The following PLCE1 variants were observed in gnomAD, a reference collection of about 807,000 sequenced individuals.
PLCE1 encodes the protein 1-phosphatidylinositol 4,5-bisphosphate phosphodiesterase epsilon-1.
Under a neutral mutation model 242.8 loss-of-function variants are expected in PLCE1, and 119 were observed. The ratio of observed to expected loss-of-function variants is 0.49; its 90% confidence interval spans 0.42 to 0.57. The LOEUF (loss-of-function observed/expected upper bound fraction) is 0.57. Among genes scored for constraint, PLCE1 ranks in the 20% least tolerant of loss-of-function variants. The pLI is 0.00. For missense variants in PLCE1, 2,441 were observed against 2,788.8 expected (o/e 0.88, Z 2.81); for synonymous variants, 945 against 1,017.4 (o/e 0.93, Z 1.35).
chr10:94,265,353 A>G (rs1328126399), intron 14 of PLCE1, among the ~76,000 whole-genome samples: 1 of 152,056 alleles, frequency 6.6e-6, no homozygotes, highest in Non-Finnish European at 1.5e-5. Context: ...TATTATCCCC[A>G]TTTTCACCTG....
chr10:94,246,187 A>G lies in PLCE1; in HGVS notation c.2662A>G (p.Asn888Asp), dbSNP rs1263314743. ...CTGCTTCCTCCAGCTTCAGCCCGACAATAGCACCTTGACCTGGGTAAAGCC... is the reference window on the plus strand; with the variant it reads ...CTGCTTCCTCCAGCTTCAGCCCGACGATAGCACCTTGACCTGGGTAAAGCC... ...ARCFLQLQPDNSTLTWVKPTT... is the reference protein window; with the variant it reads ...ARCFLQLQPDDSTLTWVKPTT... The change falls in exon 8 of 33, where the codon AAT becomes GAT. Residue 888 changes from asparagine (N) to aspartate (D), a missense_variant. Physicochemically the swap from Asn to Asp is conservative, Grantham distance 23 (BLOSUM62 1). Coordinates refer to ENST00000371380, the MANE Select transcript of PLCE1 (RefSeq NM_016341.4). The G allele has an allele frequency of 2.5e-6, 4 of 1,613,986 alleles. No homozygotes were observed. Among genetic ancestry groups the G allele is most frequent in the Non-Finnish European group, 3.4e-6 (4 of 1,179,996 alleles).
At position 94,331,238 on chromosome 10, in the gene PLCE1, C is replaced by G. The variant is rs1323034940; in HGVS notation, c.*3295C>G. ...TCTTTTATGGGAGGCTTTTATGCCT[C>G]CCATCTCAATACCTCTGGAGACACT... is the stretch of plus-strand genomic sequence containing the variant. On this transcript the variant is annotated 3_prime_UTR_variant, in exon 33 of 33. Coordinates refer to ENST00000371380, the MANE Select transcript of PLCE1 (RefSeq NM_016341.4). 2.0e-5 allele frequency: 3 copies of G among 152,140 alleles called. No homozygotes were observed. The highest frequency in any genetic ancestry group is 4.4e-5 in the Non-Finnish European group (3 of 68,018). 9.4% of individuals were successfully genotyped at this position (152,140 alleles called of 1,614,324 possible).
At chr10:94,148,132 C>T (rs1204964400) in intron 3 of PLCE1, among the ~76,000 whole-genome samples, 1 of 152,152 alleles carries the variant, frequency 6.6e-6, no homozygotes. Flanking sequence ...TAGGACAATG[C>T]AGACACTTGC....
At chr10:94,071,792 C>T (rs1298511664) in intron 2 of PLCE1, among the ~76,000 whole-genome samples, 1 of 152,108 alleles carries the variant, frequency 6.6e-6, no homozygotes, top group Non-Finnish European at 1.5e-5. Context: ...AACCACTGTG[C>T]CTAGCCTTCC....
intron 2 of PLCE1, among the ~76,000 whole-genome samples, chr10:94,094,290 T>C (rs187179508): frequency 2.0e-3 from 303 of 150,748 alleles, no homozygotes; most frequent in African/African-American, 7.3e-3. Context: ...GTACGAGGTA[T>C]ACAAATATGA....
chr10:94,259,726 A>ATGG (rs1340703992), intron 13 of PLCE1, among the ~76,000 whole-genome samples: 19 of 152,294 alleles, frequency 1.2e-4, no homozygotes, highest in African/African-American at 4.6e-4. Context: ...TCTGACAACC[A>ATGG]AAAACCCTTT....
At chr10:94,029,652 A>C (rs781392781) in intron 1 of PLCE1, among the ~76,000 whole-genome samples, 11 of 152,062 alleles carry the variant, frequency 7.2e-5, no homozygotes, top group Non-Finnish European at 1.3e-4. Context: ...ATATACTGGG[A>C]GCCTCTCACC....
At chr10:94,063,575 C>G (rs567697637) in intron 2 of PLCE1, among the ~76,000 whole-genome samples, 50 of 152,286 alleles carry the variant, frequency 3.3e-4, no homozygotes, top group Admixed American at 1.2e-3. Context: ...ATTTTCTTGT[C>G]CTTATTTATT....
At chr10:94,185,558 G>A (rs985214491) in intron 4 of PLCE1, among the ~76,000 whole-genome samples, 2 of 152,170 alleles carry the variant, frequency 1.3e-5, no homozygotes, top group East Asian at 3.9e-4. Flanking sequence ...GGGACCCTGG[G>A]CAAGTGAGTG....
chr10:94,021,650 T>G (rs985950041), intron 1 of PLCE1, among the ~76,000 whole-genome samples: 2 of 152,190 alleles, frequency 1.3e-5, no homozygotes, highest in Non-Finnish European at 2.9e-5. Flanking sequence ...TTATTGGAGC[T>G]TTGTAGTATC....
chr10:94,258,341 C>T (rs1445086452), intron 11 of PLCE1, among the ~76,000 whole-genome samples: 1 of 152,174 alleles, frequency 6.6e-6, no homozygotes, highest in Non-Finnish European at 1.5e-5. Context: ...CATCTAAGGA[C>T]TGGTTAAGAA....
chr10:94,305,236 C>T (rs1167671896), intron 25 of PLCE1, among the ~76,000 whole-genome samples: 1 of 152,074 alleles, frequency 6.6e-6, no homozygotes, highest in Non-Finnish European at 1.5e-5. Flanking sequence ...TCGAGACCAG[C>T]CTGGGCAACA....
At chr10:94,096,573 A>G (rs2045320094) in intron 2 of PLCE1, 2 of 152,300 alleles carry the variant, frequency 1.3e-5, no homozygotes, top group African/African-American at 2.4e-5. Context: ...CCGTGATTCA[A>G]TTACCTCCCA....
intron 23 of PLCE1, among the ~76,000 whole-genome samples, chr10:94,295,156 T>A (rs1236298135): frequency 2.0e-5 from 3 of 151,980 alleles, no homozygotes; most frequent in Non-Finnish European, 4.4e-5. Flanking sequence ...CACCTCATGA[T>A]CTGCCTACCT....
At chr10:94,278,485 GTTAA>G (rs1589461552) in intron 19 of PLCE1, among the ~76,000 whole-genome samples, 1 of 152,156 alleles carries the variant, frequency 6.6e-6, no homozygotes, top group African/African-American at 2.4e-5. Flanking sequence ...TTTCAAAAAT[GTTAA>G]TTAACTTACT....
At chr10:94,173,886 A>T (rs1175005721) in intron 4 of PLCE1, among the ~76,000 whole-genome samples, 2 of 152,220 alleles carry the variant, frequency 1.3e-5, no homozygotes, top group Admixed American at 1.3e-4. Context: ...ACATAGTCAG[A>T]TCCCAAATGA....
chr10:94,247,138 A>G (rs2050714329), intron 8 of PLCE1, among the ~76,000 whole-genome samples: 2 of 142,730 alleles, frequency 1.4e-5, no homozygotes, highest in African/African-American at 5.2e-5. Context: ...AAAAAAGTTA[A>G]TATGTGTAAA....
chr10:94,205,437 G>A (rs1251625195), intron 4 of PLCE1, among the ~76,000 whole-genome samples: 1 of 152,232 alleles, frequency 6.6e-6, no homozygotes, highest in Non-Finnish European at 1.5e-5. Context: ...TGGAAATAAA[G>A]TACAGTTGCA....
chr10:94,279,620 T>C (rs977428540), intron 19 of PLCE1, 162 bp from the exon 20 acceptor site: 3 of 707,914 alleles, frequency 4.2e-6, no homozygotes, highest in East Asian at 2.7e-5. Flanking sequence ...AGTGTTGACA[T>C]TGCATTTCGA....
Sources: gnomAD v4.1 joint callset for allele counts (sites outside exome capture counted in the v4.1 genomes callset) on GRCh38, gnomAD v4.1.1 for gene constraint, MANE v1.5 for transcripts, NCBI Gene and HGNC (gene_info 2026-07-23, HGNC 2026-07-21) for gene names.